The following SLC20A1 variants were observed in gnomAD, a reference collection of about 807,000 sequenced individuals.
SLC20A1 encodes the protein solute carrier family 20 member 1.
SLC20A1 carries 28 observed loss-of-function variants against 62.7 expected under a neutral mutation model. The ratio of observed to expected loss-of-function variants is 0.45; its 90% CI spans 0.33 to 0.61. The LOEUF (loss-of-function observed/expected upper bound fraction) is 0.61, where lower values mean the gene tolerates loss of function less well. Among genes scored for constraint, SLC20A1 ranks in the 20% least tolerant of loss-of-function variants. SLC20A1 has a pLI of 0.02. For synonymous variants in SLC20A1, 305 were observed against 302.9 expected (o/e 1.01, Z -0.07); for missense variants, 673 against 838.6 (o/e 0.80, Z 2.44).
At chr2:112,656,107 A>G (rs1686577065) in intron 5 of SLC20A1, among the ~76,000 whole-genome samples, 1 of 151,630 alleles carries the variant, frequency 6.6e-6, no homozygotes, top group African/African-American at 2.4e-5. Flanking sequence ...CCATGTGAAC[A>G]GTGTTGCTAG....
chr2:112,652,391 G>A (rs1686466737), intron 4 of SLC20A1: 1 of 405,000 alleles, frequency 2.5e-6, no homozygotes, highest in Non-Finnish European at 4.5e-6. Context: ...GGTGTGTGCT[G>A]AAGTTTATAT....
intron 4 of SLC20A1, among the ~76,000 whole-genome samples, chr2:112,651,721 G>A (rs1004340678): frequency 6.6e-6 from 1 of 152,038 alleles, no homozygotes; most frequent in Non-Finnish European, 1.5e-5. Flanking sequence ...CCATTCTTTC[G>A]GTGTTTGACT....
chr2:112,656,619 C>G (rs940991477), intron 5 of SLC20A1, among the ~76,000 whole-genome samples: 2 of 151,994 alleles, frequency 1.3e-5, no homozygotes, highest in African/African-American at 4.8e-5. Flanking sequence ...AAGCATTTTA[C>G]TAAAGGCCAG....
In SLC20A1 at chr2:112,659,453, T is replaced by C. The variant is rs1342789139; in HGVS notation, c.1298T>C (p.Phe433Ser). Residue 433 changes from phenylalanine to serine, a missense_variant, in exon 8 of 11, where the codon TTC (phenylalanine) becomes TCC (serine). Transcript: ENST00000272542. ...MAICGMPLDS[F>S]RAKEGEQKGE... ...ATATGTGGCATGCCTCTGGATTCAT[T>C]CCGTGCCAAAGAAGGTGAACAGAAG... 6 of 1,614,072 alleles carry C rather than the reference T, an allele frequency of 3.7e-6. No individual in the cohort carries two copies. The highest frequency in any genetic ancestry group is 5.1e-6 in the Non-Finnish European group (6 of 1,180,042).
rs192551963 is a variant in SLC20A1, at chr2:112,649,691, C to T, written c.561+1953C>T. Among the ~76,000 whole-genome samples, 36 of 152,178 alleles carry T rather than the reference C, an allele frequency of 2.4e-4. No homozygotes were observed. The East Asian group carries it at 6.6e-3, about 28-fold the overall frequency. On this transcript the variant is annotated intron_variant, in intron 4 of 10. Transcript: ENST00000272542. ...AGGTACTTCTATTTAGGACTGGCATCGCACAGAAGGAATATGCTTCAGTGC... is the reference window on the plus strand; with the variant it reads ...AGGTACTTCTATTTAGGACTGGCATTGCACAGAAGGAATATGCTTCAGTGC...
intron 8 of SLC20A1, 141 bp downstream of exon 8, chr2:112,659,903 T>C (rs1391899953): frequency 4.5e-6 from 3 of 670,368 alleles, no homozygotes; most frequent in Non-Finnish European, 5.1e-6. Flanking sequence ...ATAGCAGTTA[T>C]TGACATAATA....
At chr2:112,657,307 C>A in intron 6 of SLC20A1, 66 bp downstream of exon 6, 2 of 1,494,418 alleles carry the variant, frequency 1.3e-6, no homozygotes, top group Non-Finnish European at 1.8e-6. Context: ...TATTTGGCCA[C>A]CTGTAAAAAT....
rs1686616895 is a variant in SLC20A1, at chr2:112,657,236, T to G, written c.773T>G (p.Ile258Ser). The part of the protein sequence containing the change: ...FFVCPRMKRK[I>S]EREIKCSPSE... ...GTATGTCCCAGGATGAAGAGAAAAA[T>G]TGAACGTAAGTAATAACTAAACAGC... Residue 258 changes from isoleucine (I) to serine (S), a missense_variant, in exon 6 of 11, where the codon ATT becomes AGT. Transcript: ENST00000272542. The G allele has an allele frequency of 1.2e-6, 2 of 1,613,248 alleles. No individual in the cohort carries two copies. The highest frequency in any genetic ancestry group is 1.7e-6 in the Non-Finnish European group (2 of 1,179,752).
chr2:112,654,663 G>A (rs1279190647), intron 5 of SLC20A1, among the ~76,000 whole-genome samples: 1 of 152,084 alleles, frequency 6.6e-6, no homozygotes, highest in Non-Finnish European at 1.5e-5. Context: ...TTGGGAGGCC[G>A]AGGTGGGTGG....
chr2:112,657,003 C>T lies in SLC20A1; in HGVS notation c.659-119C>T, dbSNP rs1686607068. 4 of 1,159,272 alleles carry T rather than the reference C, an allele frequency of 3.5e-6. No homozygotes were observed. In the South Asian group the frequency reaches 4.9e-5, roughly 14 times the overall value. 71.8% of individuals were successfully genotyped at this position (1,159,272 alleles called of 1,614,324 possible). A position where few individuals can be genotyped will look rare whatever the true frequency, so the allele number is the denominator to read the frequency against. ...AATCCTGTGCACTTAAATCTGGCAGCAGCTGTCAGGGGTGATGGGCTGGTA... is the reference window on the plus strand; with the variant it reads ...AATCCTGTGCACTTAAATCTGGCAGTAGCTGTCAGGGGTGATGGGCTGGTA... On this transcript the variant is annotated intron_variant, in intron 5 of 10. Coordinates refer to ENST00000272542, the MANE Select transcript of SLC20A1 (RefSeq NM_005415.5).
chr2:112,656,051 C>G (rs566953522), intron 5 of SLC20A1, among the ~76,000 whole-genome samples: 1 of 151,972 alleles, frequency 6.6e-6, no homozygotes, highest in Admixed American at 6.5e-5. Context: ...AGCCTACTGG[C>G]GTGCATATGA....
In SLC20A1 at chr2:112,647,187, T is replaced by A. The variant is rs200376310; in HGVS notation, c.334+25T>A. On this transcript the variant is annotated intron_variant, in intron 2 of 10. Coordinates refer to ENST00000272542, the MANE Select transcript of SLC20A1 (RefSeq NM_005415.5). ...GGTAAGTTCTTTTTATGTTTTGTCC[T>A]CTTCGTGGTGGGTGAGCAAATTTGT... The A allele has an allele frequency of 5.7e-5, 91 of 1,600,908 alleles. No individual in the cohort carries two copies. In the African/African-American group the frequency reaches 9.3e-4, roughly 16 times the overall value.
At position 112,647,812 on chromosome 2, in the gene SLC20A1, C is replaced by T; in HGVS notation, c.561+74C>T. 4.2e-6 allele frequency: 5 copies of T among 1,202,830 alleles called. No homozygotes were observed. In the South Asian group the frequency reaches 4.8e-5, roughly 12 times the overall value. The allele number at this position is 1,202,830 out of a possible 1,614,324, so 74.5% of individuals were successfully genotyped here. ...GATTTCAAACCCAGTGGTACTTTTG[C>T]AGATGTGATTGGTGTATAGGTATGC... On this transcript the variant is annotated intron_variant, in intron 4 of 10. Coordinates refer to ENST00000272542, the MANE Select transcript of SLC20A1 (RefSeq NM_005415.5).
At chr2:112,647,765 C>T in intron 4 of SLC20A1, 27 bp downstream of exon 4, 1 of 1,546,928 alleles carries the variant, frequency 6.5e-7, no homozygotes, top group Admixed American at 1.7e-5. Flanking sequence ...GTATGAAGAC[C>T]TTTCATGGAG....
At chr2:112,648,943 T>G (rs570471194) in intron 4 of SLC20A1, among the ~76,000 whole-genome samples, 3 of 152,346 alleles carry the variant, frequency 2.0e-5, no homozygotes, top group Non-Finnish European at 2.9e-5. Context: ...TCATTAGAAC[T>G]GTATATCTTG....
chr2:112,650,641 C>A (rs907594112), intron 4 of SLC20A1, among the ~76,000 whole-genome samples: 2 of 146,986 alleles, frequency 1.4e-5, no homozygotes, highest in Admixed American at 6.8e-5. Context: ...TTTTTTTTTT[C>A]TTAAGCGAAG....
intron 5 of SLC20A1, 81 bp from the exon 6 acceptor site, chr2:112,657,041 C>T (rs1686609176): frequency 6.5e-7 from 1 of 1,547,048 alleles, no homozygotes; most frequent in Non-Finnish European, 8.9e-7. Context: ...GGGAACCCCT[C>T]AGTCCCCAGA....
intron 5 of SLC20A1, among the ~76,000 whole-genome samples, chr2:112,653,990 C>G (rs575064593): frequency 1.3e-5 from 2 of 152,150 alleles, no homozygotes; most frequent in Non-Finnish European, 2.9e-5. Flanking sequence ...CGGGGTTTCT[C>G]CATGTTGGTC....
At chr2:112,660,314 A>G (rs1686712578) in intron 8 of SLC20A1, 73 bp from the exon 9 acceptor site, 1 of 1,314,314 alleles carries the variant, frequency 7.6e-7, no homozygotes, top group African/African-American at 1.5e-5. Flanking sequence ...CTGGTAGATC[A>G]TTCAGCAGAT....
Sources: allele counts gnomAD v4.1 joint callset (sites outside exome capture counted in the v4.1 genomes callset), GRCh38; gene constraint gnomAD v4.1.1; transcripts MANE v1.5; gene names NCBI Gene and HGNC (gene_info 2026-07-23, HGNC 2026-07-21).